The following EPHB2 variants were observed in gnomAD, a reference collection of about 807,000 sequenced individuals.
EPHB2 encodes the protein ephrin type-B receptor 2.
EPHB2 carries 18 observed loss-of-function variants against 96.4 expected under a neutral mutation model. That is an observed-to-expected ratio of 0.19 (90% confidence interval 0.13 to 0.28). The LOEUF is 0.28. EPHB2 is among the 10% of genes least tolerant of loss of function. EPHB2 has a pLI of 1.00. For synonymous variants in EPHB2, 506 were observed against 534.1 expected, an observed-to-expected ratio of 0.95 and a Z score of 0.72; for missense variants, 989 against 1,355.4, an observed-to-expected ratio of 0.73 and a Z score of 4.25.
At chr1:22,713,565 C>T (rs1643214291) in intron 1 of EPHB2, among the ~76,000 whole-genome samples, 1 of 152,002 alleles carries the variant, frequency 6.6e-6, no homozygotes, top group Non-Finnish European at 1.5e-5. Flanking sequence ...GACGGTGCTG[C>T]CTGTGCACAT....
At chr1:22,743,689 T>G (rs1321135722) in intron 1 of EPHB2, among the ~76,000 whole-genome samples, 1 of 152,150 alleles carries the variant, frequency 6.6e-6, no homozygotes, top group Non-Finnish European at 1.5e-5. Flanking sequence ...GCCAGGCTGG[T>G]CTCAAACTCC....
At chr1:22,820,246 A>G (rs1645134542) in intron 3 of EPHB2, among the ~76,000 whole-genome samples, 1 of 152,028 alleles carries the variant, frequency 6.6e-6, no homozygotes, top group Non-Finnish European at 1.5e-5. Flanking sequence ...GTGTCATCCC[A>G]CGTATAACAG....
intron 3 of EPHB2, among the ~76,000 whole-genome samples, chr1:22,852,352 T>C (rs1645636079): frequency 6.6e-6 from 1 of 152,140 alleles, no homozygotes; most frequent in Non-Finnish European, 1.5e-5. Flanking sequence ...CTCCTCCTGA[T>C]ATCAGGGCTT....
In EPHB2 at chr1:22,906,642, AGG is replaced by A. The variant is rs1639925611; in HGVS notation, c.1889-66_1889-65del. 1.0e-5 allele frequency: 16 copies of A among 1,559,554 alleles called. No individual in the cohort carries two copies. In the Admixed American group the frequency reaches 3.4e-4, roughly 33 times the overall value. ...TGCAGGCCCCGTGAGTGGACATGAC[AGG>A]GAACAGGAAGGTGGCCCTTCCACCT... On this transcript the variant is annotated intron_variant, in intron 10 of 15. Transcript: ENST00000374630. This position sits in a 1 kb window ranked among gnomAD's most constrained non-coding sequence, Gnocchi z 4.8.
At chr1:22,792,920 G>C (rs1031958718) in intron 3 of EPHB2, among the ~76,000 whole-genome samples, 9 of 152,162 alleles carry the variant, frequency 5.9e-5, no homozygotes, top group African/African-American at 2.2e-4. Context: ...CCAGGGGAGC[G>C]TCAGCCAGGA....
intron 1 of EPHB2, among the ~76,000 whole-genome samples, chr1:22,720,046 C>T (rs1397202062): frequency 6.6e-6 from 1 of 152,206 alleles, no homozygotes; most frequent in African/African-American, 2.4e-5. Flanking sequence ...CTTTGAGGCC[C>T]TCATAGAGAA....
Position 22,837,779 on chromosome 1 carries a change from C to A in EPHB2, c.812-25258C>A, listed in dbSNP as rs542105153. On this transcript the variant is annotated intron_variant, in intron 3 of 15. Transcript: ENST00000374630. ...CCTGAGAGGGGCTGGAATCCCCCAG[C>A]CCACCCCCATTCCTTGGAAGGGCTG... is the stretch of plus-strand genomic sequence containing the variant. 2.6e-5 allele frequency among the ~76,000 whole-genome samples: 4 copies of A among 152,284 alleles called. No individual in the cohort carries two copies. In the South Asian group the frequency reaches 8.3e-4, roughly 32 times the overall value.
chr1:22,774,806 T>C (rs867767003), intron 1 of EPHB2, among the ~76,000 whole-genome samples: 3 of 152,334 alleles, frequency 2.0e-5, no homozygotes, highest in Admixed American at 1.3e-4. Context: ...GGCCTAGTTC[T>C]CAGTGTTGAG....
chr1:22,756,255 G>C (rs1311323749), intron 1 of EPHB2, among the ~76,000 whole-genome samples: 1 of 152,158 alleles, frequency 6.6e-6, no homozygotes, highest in African/African-American at 2.4e-5. Flanking sequence ...TGATAAAGGG[G>C]GTGTTCGGGG....
chr1:22,832,020 G>A (rs1411921113), intron 3 of EPHB2, among the ~76,000 whole-genome samples: 3 of 152,236 alleles, frequency 2.0e-5, no homozygotes, highest in Non-Finnish European at 2.9e-5. Context: ...CCCAAATGGA[G>A]CAGCCAGTGG....
intron 3 of EPHB2, among the ~76,000 whole-genome samples, chr1:22,809,649 C>G (rs949477693): frequency 6.6e-6 from 1 of 152,184 alleles, no homozygotes; most frequent in Non-Finnish European, 1.5e-5. Context: ...CCAGGTCACA[C>G]AGGAGAGCCA....
chr1:22,841,851 T>C (rs1645474242), intron 3 of EPHB2, among the ~76,000 whole-genome samples: 1 of 152,192 alleles, frequency 6.6e-6, no homozygotes. Context: ...CCTGTTTTAA[T>C]GCATGCGGGG....
intron 3 of EPHB2, among the ~76,000 whole-genome samples, chr1:22,848,746 A>G (rs1553170085): frequency 1.3e-5 from 2 of 152,040 alleles, no homozygotes; most frequent in Non-Finnish European, 2.9e-5. Flanking sequence ...TCTCCCAGAG[A>G]TGCCAAATGC....
At chr1:22,902,892 C>G (rs1176464048) in intron 9 of EPHB2, among the ~76,000 whole-genome samples, 1 of 152,194 alleles carries the variant, frequency 6.6e-6, no homozygotes, top group African/African-American at 2.4e-5. Context: ...GCAATCCAGG[C>G]AGTCTTCACA....
intron 3 of EPHB2, among the ~76,000 whole-genome samples, chr1:22,822,758 G>A (rs1321740783): frequency 6.6e-6 from 1 of 152,244 alleles, no homozygotes; most frequent in African/African-American, 2.4e-5. Context: ...AGCCAGCCAT[G>A]TGCTGCTATG....
intron 1 of EPHB2, among the ~76,000 whole-genome samples, chr1:22,772,339 G>A (rs1644391183): frequency 6.6e-6 from 1 of 152,148 alleles, no homozygotes; most frequent in Admixed American, 6.5e-5. Flanking sequence ...GAGAAAACAA[G>A]AGCAGGCTCC....
At chr1:22,759,891 C>T (rs1389541455) in intron 1 of EPHB2, among the ~76,000 whole-genome samples, 1 of 152,216 alleles carries the variant, frequency 6.6e-6, no homozygotes, top group Admixed American at 6.5e-5. Flanking sequence ...GCCTGGCTAA[C>T]AGCAGGCCTG....
rs1638327592 is a variant in EPHB2, at chr1:22,863,023, G to T, written c.812-14G>T. ...ATCCAGTTTCCTGGTGACTCTCCTT[G>T]TCTTCTCTCTCAGGTTGTCCATCTG... On this transcript the variant is annotated splice_polypyrimidine_tract_variant and intron_variant, in intron 3 of 15. Transcript: ENST00000374630. 2 of 1,614,020 alleles carry T rather than the reference G, an allele frequency of 1.2e-6. No individual in the cohort carries two copies. Among genetic ancestry groups the T allele is most frequent in the African/African-American group, 2.7e-5 (2 of 74,904 alleles).
intron 3 of EPHB2, among the ~76,000 whole-genome samples, chr1:22,802,578 G>T (rs559939414): frequency 2.6e-5 from 4 of 152,060 alleles, no homozygotes; most frequent in African/African-American, 9.7e-5. Flanking sequence ...CTGAGGCTCC[G>T]AGAGGAGAAA....
Sources: allele counts gnomAD v4.1 joint callset (sites outside exome capture counted in the v4.1 genomes callset), GRCh38; gene constraint gnomAD v4.1.1; non-coding constraint Gnocchi (gnomAD v3.1); transcripts MANE v1.5; gene names NCBI Gene and HGNC (gene_info 2026-07-23, HGNC 2026-07-21).